KCNC2: variants seen among roughly 807,000 people sequenced by gnomAD.
The protein encoded by KCNC2 is potassium voltage-gated channel subfamily C member 2.
A neutral mutation model predicts 44.5 loss-of-function variants in KCNC2; 21 were observed. That is an observed-to-expected ratio of 0.47 (90% CI 0.33 to 0.68). The LOEUF (loss-of-function observed/expected upper bound fraction) is 0.68, where lower values mean the gene tolerates loss of function less well. KCNC2 is among the 30% of genes least tolerant of loss of function. KCNC2 has a pLI of 0.01. For synonymous variants in KCNC2, 391 were observed against 339.1 expected (o/e 1.15, Z -1.68); for missense variants, 589 against 826.2 (o/e 0.71, Z 3.52).
At chr12:75,070,000 G>A (rs2137029472) in intron 2 of KCNC2, among the ~76,000 whole-genome samples, 1 of 152,188 alleles carries the variant, frequency 6.6e-6, no homozygotes, top group East Asian at 1.9e-4. Flanking sequence ...CATGAAAAGT[G>A]GGAGATTTAT....
At chr12:75,072,435 A>T (rs11180353) in intron 2 of KCNC2, among the ~76,000 whole-genome samples, 15,294 of 152,168 alleles carry the variant, frequency 0.1, 2,570 homozygotes, top group African/African-American at 0.35. Context: ...TCAATTATTT[A>T]AAAAAATTAT....
chr12:75,147,838 C>G (rs908489325), intron 2 of KCNC2, among the ~76,000 whole-genome samples: 7 of 152,102 alleles, frequency 4.6e-5, no homozygotes, highest in Non-Finnish European at 8.8e-5. Context: ...AGGTACACAA[C>G]AGTTAGTGAT....
intron 2 of KCNC2, among the ~76,000 whole-genome samples, chr12:75,131,589 T>C (rs1888848403): frequency 1.3e-5 from 2 of 152,150 alleles, no homozygotes; most frequent in Non-Finnish European, 2.9e-5. Flanking sequence ...TTTCTCTGGC[T>C]GGTGGTAGAG....
intron 2 of KCNC2, among the ~76,000 whole-genome samples, chr12:75,147,039 C>A (rs989675472): frequency 6.6e-6 from 1 of 152,090 alleles, no homozygotes; most frequent in Non-Finnish European, 1.5e-5. Context: ...AGAATCCACA[C>A]AATTTTAGGT....
rs543836446 is a variant in KCNC2 at position 75,105,521 on chromosome 12, G to T, written c.688-54204C>A. On this transcript the variant is annotated intron_variant, in intron 2 of 4. Coordinates refer to ENST00000549446, the MANE Select transcript of KCNC2 (RefSeq NM_139137.4). ...TAAGAGGACAAAGGTGAAGGCAGGA[G>T]GCCCATTAGAAAGCTACATCTGAAC... 1.4e-4 allele frequency among the ~76,000 whole-genome samples: 21 copies of T among 152,236 alleles called. No homozygotes were observed. In the South Asian group the frequency reaches 4.1e-3, roughly 30 times the overall value.
intron 2 of KCNC2, among the ~76,000 whole-genome samples, chr12:75,191,367 TA>T (rs146934081): frequency 1.0e-3 from 158 of 151,656 alleles, no homozygotes; most frequent in African/African-American, 3.8e-3. Context: ...GGCTATTCAA[TA>T]TTTTCTGAAT....
intron 2 of KCNC2, among the ~76,000 whole-genome samples, chr12:75,088,044 A>G (rs1193946870): frequency 6.6e-6 from 1 of 152,020 alleles, no homozygotes; most frequent in Admixed American, 6.6e-5. Context: ...TGTCTGACAG[A>G]TATTGTTTTA....
intron 2 of KCNC2, among the ~76,000 whole-genome samples, chr12:75,093,530 A>C (rs1248765324): frequency 6.6e-6 from 1 of 151,720 alleles, no homozygotes; most frequent in Non-Finnish European, 1.5e-5. Context: ...ATTACAGCTT[A>C]TTCATAAATG....
chr12:75,055,920 A>G (rs954172516), intron 2 of KCNC2, among the ~76,000 whole-genome samples: 30 of 152,208 alleles, frequency 2.0e-4, no homozygotes, highest in African/African-American at 7.2e-4. Context: ...TCTTGTTATC[A>G]TTAAAATGAG....
intron 2 of KCNC2, among the ~76,000 whole-genome samples, chr12:75,059,646 T>C (rs1049332192): frequency 1.2e-4 from 18 of 152,252 alleles, no homozygotes; most frequent in Middle Eastern, 3.4e-3. Context: ...AGGTGTCTCC[T>C]AGCCTTTTTA....
chr12:75,064,394 T>A (rs1351927752), intron 2 of KCNC2, among the ~76,000 whole-genome samples: 4 of 152,034 alleles, frequency 2.6e-5, no homozygotes, highest in Non-Finnish European at 5.9e-5. Flanking sequence ...TCAATGTGAT[T>A]GTTTTAATAC....
At chr12:75,089,635 T>C (rs1339594104) in intron 2 of KCNC2, among the ~76,000 whole-genome samples, 3 of 151,872 alleles carry the variant, frequency 2.0e-5, no homozygotes, top group African/African-American at 4.8e-5. Context: ...CACAATTTTT[T>C]TCCATTTTCT....
In KCNC2 at chr12:75,207,420, C is replaced by T. The variant is rs1345242407; in HGVS notation, c.564G>A (p.Lys188=). Residue 188 remains lysine, a synonymous_variant, in exon 2 of 5, where the codon AAG becomes AAA. Transcript: ENST00000549446. The surrounding 1 kb of genome is among the most constrained non-coding windows in gnomAD (Gnocchi z 4.1). ...DPGDDEDLAA[K]RLGIEDAAGL... is the part of the protein sequence containing the mutation. Reference sequence around the variant, plus strand: ...CCGCCGCGTCCTCGATGCCCAGCCTCTTGGCCGCCAGGTCCTCGTCGTCGC... The same window carrying T: ...CCGCCGCGTCCTCGATGCCCAGCCTTTTGGCCGCCAGGTCCTCGTCGTCGC... The T allele has an allele frequency of 6.2e-7, 1 of 1,604,466 alleles. No homozygotes were observed. The highest frequency in any genetic ancestry group is 1.1e-5 in the South Asian group (1 of 89,784).
At chr12:75,205,681 T>C (rs1028010063) in intron 2 of KCNC2, among the ~76,000 whole-genome samples, 1 of 152,116 alleles carries the variant, frequency 6.6e-6, no homozygotes, top group African/African-American at 2.4e-5. Context: ...ATGATGGGCC[T>C]GAAAACAAAT....
At chr12:75,156,939 G>C (rs1379964) in intron 2 of KCNC2, among the ~76,000 whole-genome samples, 2 of 151,494 alleles carry the variant, frequency 1.3e-5, no homozygotes, top group African/African-American at 4.8e-5. Flanking sequence ...ACTAACACTG[G>C]GTAAAGTGTT....
intron 2 of KCNC2, among the ~76,000 whole-genome samples, chr12:75,130,558 T>C (rs1435242144): frequency 2.6e-5 from 4 of 152,168 alleles, no homozygotes; most frequent in Non-Finnish European, 5.9e-5. Flanking sequence ...AATCATGCTC[T>C]GAATGAGGCT....
chr12:75,140,328 T>G (rs1005815863), intron 2 of KCNC2: 2 of 152,118 alleles, frequency 1.3e-5, no homozygotes, highest in African/African-American at 4.8e-5. Context: ...GACAAGGAGA[T>G]TACACAAAAA....
intron 2 of KCNC2, among the ~76,000 whole-genome samples, chr12:75,178,022 A>G (rs986020401): frequency 6.6e-6 from 1 of 152,038 alleles, no homozygotes; most frequent in African/African-American, 2.4e-5. Context: ...GGCCAGGCCT[A>G]CCATTGATGC....
chr12:75,100,791 T>C (rs1194425897), intron 2 of KCNC2, among the ~76,000 whole-genome samples: 1 of 152,088 alleles, frequency 6.6e-6, no homozygotes, highest in Non-Finnish European at 1.5e-5. Context: ...ACAGTAGTTA[T>C]ATTTCTACAG....
Sources: gnomAD v4.1 joint callset for allele counts (sites outside exome capture counted in the v4.1 genomes callset) on GRCh38, gnomAD v4.1.1 for gene constraint, Gnocchi (gnomAD v3.1) non-coding constraint, MANE v1.5 for transcripts, NCBI Gene and HGNC (gene_info 2026-07-23, HGNC 2026-07-21) for gene names.